CNBD1: variants seen among roughly 807,000 people sequenced by gnomAD.
CNBD1 encodes cyclic nucleotide binding domain containing 1.
In CNBD1, 71 loss-of-function variants were observed where a neutral mutation model predicts 54.4. The observed-to-expected ratio is 1.30, with a 90% confidence interval of 1.08 to 1.59. CNBD1 has a LOEUF of 1.59. CNBD1 is among the 40% of genes most tolerant of loss of function. The pLI is 0.00. For missense variants in CNBD1, 659 were observed against 518.0 expected (o/e 1.27, Z -2.64); for synonymous variants, 182 against 170.7 (o/e 1.07, Z -0.51).
At chr8:87,377,505 G>T (rs555980485) in intron 10 of CNBD1, among the ~76,000 whole-genome samples, 1 of 152,070 alleles carries the variant, frequency 6.6e-6, no homozygotes, top group Admixed American at 6.6e-5. Context: ...TGGCTGCATA[G>T]TATTCCATGT....
chr8:87,382,213 A>G (rs903741428), intron 10 of CNBD1, among the ~76,000 whole-genome samples: 1 of 151,938 alleles, frequency 6.6e-6, no homozygotes, highest in Non-Finnish European at 1.5e-5. Context: ...GGCATTTCCT[A>G]TGGAATTCTA....
rs115254102 is a variant in CNBD1, at chr8:86,942,525, G to A, written c.431+2771G>A. On this transcript the variant is annotated intron_variant, in intron 4 of 10. Transcript: ENST00000518476. ...CCACTTTCATGATGGCTTTCAGCAG[G>A]GGGCCCCTCTTTCTACTAGAGACTC... Among the ~76,000 whole-genome samples the A allele has an allele frequency of 5.8e-3, 881 of 152,284 alleles. 18 individuals carry two copies. The highest frequency in any genetic ancestry group is 0.02 in the African/African-American group (837 of 41,554).
At chr8:87,237,141 A>G (rs1357509486) in intron 6 of CNBD1, 29 bp downstream of exon 6, 4 of 1,456,374 alleles carry the variant, frequency 2.7e-6, no homozygotes, top group Non-Finnish European at 3.8e-6. Context: ...CTTTTTCCAC[A>G]AGCAACAAGG....
intron 6 of CNBD1, among the ~76,000 whole-genome samples, chr8:87,270,270 AAAAC>A (rs150418021): frequency 0.021 from 3,180 of 152,048 alleles, 103 homozygotes; most frequent in African/African-American, 0.073. Context: ...TTTACAAGGA[AAAAC>A]AAACAACCTC....
At chr8:87,077,264 G>A (rs115470146) in intron 4 of CNBD1, among the ~76,000 whole-genome samples, 3,752 of 152,158 alleles carry the variant, frequency 0.025, 165 homozygotes, top group African/African-American at 0.086. Context: ...CACTGTTCTG[G>A]AGATTTAAAG....
intron 8 of CNBD1, among the ~76,000 whole-genome samples, chr8:87,303,927 C>T (rs972558514): frequency 6.6e-6 from 1 of 152,072 alleles, no homozygotes; most frequent in South Asian, 2.1e-4. Flanking sequence ...CAAATCAAAA[C>T]CACAATGAGA....
At chr8:86,922,759 G>A (rs1220580463) in intron 3 of CNBD1, among the ~76,000 whole-genome samples, 4 of 152,124 alleles carry the variant, frequency 2.6e-5, no homozygotes, top group Non-Finnish European at 5.9e-5. Context: ...GCTTTGGTTT[G>A]AAGCATCTGG....
intron 4 of CNBD1, among the ~76,000 whole-genome samples, chr8:87,104,501 C>T (rs1005794245): frequency 6.6e-6 from 1 of 152,052 alleles, no homozygotes; most frequent in Non-Finnish European, 1.5e-5. Flanking sequence ...GAGGAGGAGA[C>T]AAATATTCAG....
intron 4 of CNBD1, among the ~76,000 whole-genome samples, chr8:87,065,762 G>T (rs1301710345): frequency 6.6e-6 from 1 of 151,950 alleles, no homozygotes; most frequent in East Asian, 1.9e-4. Context: ...TCTTGAAGTT[G>T]TCCTCCCAAT....
Position 87,353,721 on chromosome 8 carries a change from T to C in CNBD1, c.1238T>C (p.Phe413Ser). ...GEISVLLQVP[F>S]TCTIITKKEV... ...ATTAGCGTCCTTCTTCAAGTTCCTT[T>C]CACGTGCACAATCATTACCAAAAAA... is the stretch of plus-strand genomic sequence containing the variant. The change falls in exon 10 of 11, where the codon TTC becomes TCC. Residue 413 changes from phenylalanine (F) to serine (S), a missense_variant. Coordinates refer to ENST00000518476, the MANE Select transcript of CNBD1 (RefSeq NM_173538.3). The C allele has an allele frequency of 6.2e-7, 1 of 1,612,052 alleles. No homozygotes were observed. The highest frequency in any genetic ancestry group is 8.5e-7 in the Non-Finnish European group (1 of 1,178,898).
chr8:87,329,730 C>T (rs975794520), intron 8 of CNBD1, among the ~76,000 whole-genome samples: 6 of 151,894 alleles, frequency 4.0e-5, no homozygotes, highest in Non-Finnish European at 8.8e-5. Flanking sequence ...GAAGAATTGA[C>T]TTGTGTATAT....
chr8:87,197,809 A>G (rs537477608), intron 4 of CNBD1, among the ~76,000 whole-genome samples: 2 of 152,306 alleles, frequency 1.3e-5, no homozygotes, highest in East Asian at 1.9e-4. Context: ...CTGTTAGTCA[A>G]TAGTGTTTAT....
intron 3 of CNBD1, among the ~76,000 whole-genome samples, chr8:86,910,375 C>A (rs928661551): frequency 6.6e-6 from 1 of 152,056 alleles, no homozygotes; most frequent in Admixed American, 6.6e-5. Flanking sequence ...GAACTTTGAA[C>A]TTGTAACACC....
At chr8:87,338,653 A>T (rs1810003222) in intron 8 of CNBD1, among the ~76,000 whole-genome samples, 1 of 142,934 alleles carries the variant, frequency 7.0e-6, no homozygotes, top group Admixed American at 7.0e-5. Context: ...GTATATAGTT[A>T]GATATGTTTT....
intron 4 of CNBD1, among the ~76,000 whole-genome samples, chr8:87,066,266 A>T (rs905779475): frequency 3.3e-5 from 5 of 151,990 alleles, no homozygotes; most frequent in African/African-American, 9.7e-5. Flanking sequence ...AACAAAGATG[A>T]ACTGGAATCA....
intron 1 of CNBD1, among the ~76,000 whole-genome samples, chr8:86,879,861 G>C (rs1297973666): frequency 8.3e-6 from 1 of 120,906 alleles, no homozygotes; most frequent in African/African-American, 3.3e-5. Context: ...GACAGAGCGA[G>C]AGTCCGTCAA....
At chr8:86,997,987 A>T (rs1207611066) in intron 4 of CNBD1, among the ~76,000 whole-genome samples, 1 of 152,138 alleles carries the variant, frequency 6.6e-6, no homozygotes, top group African/African-American at 2.4e-5. Flanking sequence ...TGAGCCCATA[A>T]TGTACTCGGG....
At chr8:87,110,359 G>A (rs1811637271) in intron 4 of CNBD1, among the ~76,000 whole-genome samples, 1 of 152,096 alleles carries the variant, frequency 6.6e-6, no homozygotes, top group African/African-American at 2.4e-5. Context: ...GGCAGCCTGG[G>A]CCTGCTACCA....
At chr8:87,023,523 A>C (rs941410765) in intron 4 of CNBD1, among the ~76,000 whole-genome samples, 1 of 152,146 alleles carries the variant, frequency 6.6e-6, no homozygotes, top group Non-Finnish European at 1.5e-5. Context: ...AGTATTTTAC[A>C]TTTTGACTTT....
Sources: gnomAD v4.1 joint callset for allele counts (sites outside exome capture counted in the v4.1 genomes callset) on GRCh38, gnomAD v4.1.1 for gene constraint, MANE v1.5 for transcripts, NCBI Gene and HGNC (gene_info 2026-07-23, HGNC 2026-07-21) for gene names.